B2M: variants seen among roughly 807,000 people sequenced by gnomAD.
The protein encoded by B2M is beta chain of MHC class I molecules.
Under a neutral mutation model 14.5 loss-of-function variants are expected in B2M, and 3 were observed. The ratio of observed to expected loss-of-function variants is 0.21; its 90% CI spans 0.09 to 0.53. The LOEUF (loss-of-function observed/expected upper bound fraction) is 0.53, where lower values mean the gene tolerates loss of function less well. Among genes scored for constraint, B2M ranks in the 20% least tolerant of loss-of-function variants. The pLI is 0.95. For missense variants in B2M, 107 were observed against 140.8 expected, an observed-to-expected ratio of 0.76 and a Z score of 1.21; for synonymous variants, 45 against 52.7, an observed-to-expected ratio of 0.85 and a Z score of 0.64.
chr15:44,715,808 G>A (rs981177612), intron 2 of B2M, 107 bp downstream of exon 2: 3 of 1,339,626 alleles, frequency 2.2e-6, no homozygotes, highest in Middle Eastern at 3.7e-4. Flanking sequence ...CCCTGAATGA[G>A]TCCCATCCCA....
At chr15:44,717,483 GA>G (rs903483213) in intron 3 of B2M, 123 bp from the exon 4 acceptor site, 1 of 152,122 alleles carries the variant, frequency 6.6e-6, no homozygotes, top group African/African-American at 2.4e-5. Flanking sequence ...TGGGTTTGGA[GA>G]ACTGTCTGCA....
At chr15:44,714,968 T>G in intron 1 of B2M, 2 of 237,146 alleles carry the variant, frequency 8.4e-6, no homozygotes, top group African/African-American at 2.3e-5. Context: ...CAGAGTACAA[T>G]AACATGAGTA....
chr15:44,717,409 C>T (rs933606532), intron 3 of B2M, 198 bp from the exon 4 acceptor site: 8 of 152,086 alleles, frequency 5.3e-5, no homozygotes, highest in Admixed American at 5.2e-4. Flanking sequence ...ATCATATCAG[C>T]ATTTTTTCTT....
chr15:44,716,172 T>C (rs1418705323), intron 2 of B2M, 157 bp from the exon 3 acceptor site: 2 of 825,086 alleles, frequency 2.4e-6, no homozygotes, highest in Non-Finnish European at 3.9e-6. Context: ...GAAGGGCTTG[T>C]TCCTGCTGGG....
intron 1 of B2M, chr15:44,715,100 C>G: frequency 2.3e-6 from 1 of 430,878 alleles, no homozygotes; most frequent in Non-Finnish European, 4.3e-6. Context: ...CATCAGAAGT[C>G]CTTGAGAGCC....
intron 1 of B2M, chr15:44,713,853 G>C (rs1481086285): frequency 6.6e-6 from 1 of 152,126 alleles, no homozygotes; most frequent in East Asian, 1.9e-4. Flanking sequence ...TAATGATAGG[G>C]TGTTTCTAGA....
Position 44,715,516 on chromosome 15 carries a change from A to G in B2M, c.161A>G (p.Asp54Gly), listed in dbSNP as rs1404518176. ...NCYVSGFHPS[D>G]IEVDLLKNGE... ...TATGTGTCTGGGTTTCATCCATCCGACATTGAAGTTGACTTACTGAAGAAT... is the reference window on the plus strand; with the variant it reads ...TATGTGTCTGGGTTTCATCCATCCGGCATTGAAGTTGACTTACTGAAGAAT... Residue 54 changes from aspartate (D) to glycine (G), a missense_variant, in exon 2 of 4, where the codon GAC (aspartate) becomes GGC (glycine). Transcript: ENST00000648006. 6.2e-7 allele frequency: 1 copy of G among 1,614,076 alleles called. No individual in the cohort carries two copies. The highest frequency in any genetic ancestry group is 1.3e-5 in the African/African-American group (1 of 74,942).
chr15:44,716,414 G>C (rs2086942285), intron 3 of B2M, 58 bp downstream of exon 3: 1 of 1,500,300 alleles, frequency 6.7e-7, no homozygotes, highest in South Asian at 1.1e-5. Flanking sequence ...ACTATTTATA[G>C]ACAGCTCTAA....
rs1182230918 is a variant in B2M at position 44,715,664 on chromosome 15, C to T, written c.309C>T (p.Asn103=). Residue 103 remains asparagine (N), a synonymous_variant, in exon 2 of 4, where the codon AAC becomes AAT. Coordinates refer to ENST00000648006, the MANE Select transcript of B2M (RefSeq NM_004048.4). The stretch of plus-strand genomic sequence containing the variant: ...AAGATGAGTATGCCTGCCGTGTGAA[C>T]CATGTGACTTTGTCACAGCCCAAGA... ...TEKDEYACRV[N]HVTLSQPKIV... The T allele has an allele frequency of 6.2e-7, 1 of 1,614,170 alleles. No homozygotes were observed. The highest frequency in any genetic ancestry group is 8.5e-7 in the Non-Finnish European group (1 of 1,180,028).
chr15:44,714,083 C>T (rs900892444), intron 1 of B2M: 1 of 152,232 alleles, frequency 6.6e-6, no homozygotes, highest in Non-Finnish European at 1.5e-5. Flanking sequence ...TTTCTTCCCA[C>T]TTCCCCATGG....
At chr15:44,712,005 A>G (rs2086877621) in intron 1 of B2M, 1 of 371,710 alleles carries the variant, frequency 2.7e-6, no homozygotes, top group South Asian at 2.4e-5. Context: ...GCTCGTCCCA[A>G]AGGCGCGGCG....
chr15:44,714,893 C>CTCGGTGGTCGCCGTATCATTAAAG, intron 1 of B2M: 1 of 201,292 alleles, frequency 5.0e-6, no homozygotes, highest in Non-Finnish European at 1.0e-5. Context: ...GGGTGTAGAT[C>CTCGGTGGTCGCCGTATCATTAAAG]AAGGCAGGAG....
intron 1 of B2M, chr15:44,713,013 AAGAAAG>A (rs2086902532): frequency 6.6e-6 from 1 of 150,840 alleles, no homozygotes; most frequent in African/African-American, 2.4e-5. Context: ...AAAAAAAAAA[AAGAAAG>A]AGAAAAGAAA....
At chr15:44,716,443 G>T (rs547442887) in intron 3 of B2M, 87 bp downstream of exon 3, 1 of 1,326,642 alleles carries the variant, frequency 7.5e-7, no homozygotes. Flanking sequence ...CCCTCACTAT[G>T]TGGAGAACAT....
chr15:44,716,386 TG>T, intron 3 of B2M, 30 bp downstream of exon 3: 1 of 1,579,236 alleles, frequency 6.3e-7, no homozygotes, highest in Non-Finnish European at 8.7e-7. Flanking sequence ...AAAATGTTTT[TG>T]TTTCACTGTC....
At chr15:44,713,158 C>T (rs1236656094) in intron 1 of B2M, 2 of 152,160 alleles carry the variant, frequency 1.3e-5, no homozygotes, top group Non-Finnish European at 2.9e-5. Flanking sequence ...CCTGGCAATA[C>T]ACTAAGCGCG....
rs1296347852 is a variant in B2M at position 44,711,787 on chromosome 15, G to T, written c.67+174G>T. ...GGAAGCGGCGGGGTGGCCTGGGAGT[G>T]GGGAAGGGGGTGCGCACCCGGGACG... On this transcript the variant is annotated intron_variant, in intron 1 of 3. Coordinates refer to ENST00000648006, the MANE Select transcript of B2M (RefSeq NM_004048.4). 4.7e-6 allele frequency: 4 copies of T among 846,902 alleles called. No homozygotes were observed. In the African/African-American group the frequency reaches 6.7e-5, roughly 14 times the overall value. 52.5% of individuals were successfully genotyped at this position (846,902 alleles called of 1,614,324 possible).
intron 1 of B2M, chr15:44,712,999 G>GAAAAAAAAAAAAAAAAA (rs3042005): frequency 1.1e-5 from 1 of 92,802 alleles, no homozygotes; most frequent in Non-Finnish European, 2.5e-5. Context: ...TCTCAAAAAA[G>GAAAAAAAAAAAAAAAAA]AAAAAAAAAA....
intron 1 of B2M, 26 bp downstream of exon 1, chr15:44,711,639 T>C (rs2141284807): frequency 5.0e-6 from 8 of 1,602,648 alleles, no homozygotes; most frequent in Non-Finnish European, 6.8e-6. Context: ...CCTCCCGCTC[T>C]GGTCCTTCCT....
Sources: gnomAD v4.1 joint callset for allele counts on GRCh38, gnomAD v4.1.1 for gene constraint, MANE v1.5 for transcripts, NCBI Gene and HGNC (gene_info 2026-07-23, HGNC 2026-07-21) for gene names.